SCPEP1: variants seen among roughly 807,000 people sequenced by gnomAD.
SCPEP1 encodes the protein serine carboxypeptidase 1, also known as retinoid-inducible serine carboxypeptidase.
A neutral mutation model predicts 63.8 loss-of-function variants in SCPEP1; 51 were observed. The ratio of observed to expected loss-of-function variants is 0.80; its 90% CI spans 0.64 to 1.01. The LOEUF (loss-of-function observed/expected upper bound fraction) is 1.01, where lower values mean the gene tolerates loss of function less well. Among genes scored for constraint, SCPEP1 ranks in the 50% least tolerant of loss-of-function variants. SCPEP1 has a pLI of 0.00. For missense variants in SCPEP1, 499 were observed against 554.9 expected (o/e 0.90, Z 1.01); for synonymous variants, 204 against 207.8 (o/e 0.98, Z 0.16).
rs371307853 is a variant in SCPEP1, at chr17:56,998,478, C to G, written c.974C>G (p.Pro325Arg). Reference protein sequence around the residue: ...GPIRKKLKIIPEDQSWGGQAT... With the variant: ...GPIRKKLKIIREDQSWGGQAT... ...ATCAGAAAGAAGCTCAAAATTATTCCTGAGGATCAATCCTGGGGAGGTACT... is the reference window on the plus strand; with the variant it reads ...ATCAGAAAGAAGCTCAAAATTATTCGTGAGGATCAATCCTGGGGAGGTACT... Residue 325 changes from proline to arginine, a missense_variant, in exon 10 of 13, where the codon CCT becomes CGT. Physicochemically the swap from Pro to Arg is moderately radical, Grantham distance 103. Coordinates refer to ENST00000262288, the MANE Select transcript of SCPEP1 (RefSeq NM_021626.3). 6.2e-7 allele frequency: 1 copy of G among 1,613,470 alleles called. No individual in the cohort carries two copies. The highest frequency in any genetic ancestry group is 1.3e-5 in the African/African-American group (1 of 74,852).
chr17:56,991,774 A>G (rs1265251987), intron 6 of SCPEP1, among the ~76,000 whole-genome samples: 1 of 152,234 alleles, frequency 6.6e-6, no homozygotes, highest in Non-Finnish European at 1.5e-5. Flanking sequence ...AGGGTTTCTC[A>G]GCACTGTTGA....
At chr17:56,986,691 G>T (rs1043565687) in intron 3 of SCPEP1, among the ~76,000 whole-genome samples, 27 of 152,038 alleles carry the variant, frequency 1.8e-4, no homozygotes, top group Admixed American at 8.5e-4. Flanking sequence ...GACTACAGGC[G>T]CCCGCCACTG....
intron 12 of SCPEP1, among the ~76,000 whole-genome samples, chr17:57,005,861 G>A (rs1427564312): frequency 2.0e-5 from 3 of 152,124 alleles, no homozygotes; most frequent in African/African-American, 7.2e-5. Flanking sequence ...AACAGGCTAG[G>A]TCTAGTATCA....
chr17:56,988,764 A>G lies in SCPEP1; in HGVS notation c.546+474A>G, dbSNP rs770048871. On this transcript the variant is annotated intron_variant, in intron 5 of 12. Transcript: ENST00000262288. ...GCCTTGTATAAAATATTAATTCTGGATGGATTAAAATCTAAACATAAAAAT... is the reference window on the plus strand; with the variant it reads ...GCCTTGTATAAAATATTAATTCTGGGTGGATTAAAATCTAAACATAAAAAT... Among the ~76,000 whole-genome samples, 129 of 152,172 alleles carry G rather than the reference A, an allele frequency of 8.5e-4. 1 individual carries two copies. The highest frequency in any genetic ancestry group is 1.7e-3 in the Non-Finnish European group (115 of 68,012).
intron 11 of SCPEP1, among the ~76,000 whole-genome samples, chr17:57,001,685 A>G (rs1416945863): frequency 6.6e-6 from 1 of 152,184 alleles, no homozygotes; most frequent in Admixed American, 6.5e-5. Flanking sequence ...CTCGTTCACG[A>G]CATCTCTCAG....
intron 8 of SCPEP1, 76 bp downstream of exon 8, chr17:56,995,711 C>T: frequency 2.7e-6 from 4 of 1,499,602 alleles, no homozygotes; most frequent in Non-Finnish European, 3.6e-6. Flanking sequence ...TTGGTGTTGT[C>T]AAACTTGGAG....
At chr17:56,984,180 A>C (rs1911148530) in intron 2 of SCPEP1, 2 of 152,354 alleles carry the variant, frequency 1.3e-5, no homozygotes, top group African/African-American at 4.8e-5. Context: ...GGCCTCCCAA[A>C]GTGCTGGGAT....
At position 56,997,060 on chromosome 17, in the gene SCPEP1, G is replaced by C. The variant is rs371124199; in HGVS notation, c.880+5G>C. 7 of 1,560,660 alleles carry C rather than the reference G, an allele frequency of 4.5e-6. No individual in the cohort carries two copies. Among genetic ancestry groups the C allele is most frequent in the Non-Finnish European group, 6.1e-6 (7 of 1,147,504 alleles). On this transcript the variant is annotated splice_donor_5th_base_variant and intron_variant, in intron 9 of 12. Coordinates refer to ENST00000262288, the MANE Select transcript of SCPEP1 (RefSeq NM_021626.3). ...AATTCACACAGAGCCACCTAGGTGA[G>C]TGAACCTTGAAGTTATTAAAGTCCC...
chr17:56,988,239 A>G lies in SCPEP1; in HGVS notation c.495A>G (p.Ser165=). The part of the protein sequence containing the change: ...EFQTVPFYIF[S]ESYGGKMAAG... Reference sequence around the variant, plus strand: ...AGACAGTTCCATTCTACATTTTCTCAGAGTCCTATGGAGGAAAAATGGCAG... The same window carrying G: ...AGACAGTTCCATTCTACATTTTCTCGGAGTCCTATGGAGGAAAAATGGCAG... Residue 165 remains serine, a synonymous_variant, in exon 5 of 13, where the codon TCA becomes TCG. Coordinates refer to ENST00000262288, the MANE Select transcript of SCPEP1 (RefSeq NM_021626.3). 6.2e-7 allele frequency: 1 copy of G among 1,611,800 alleles called. No individual in the cohort carries two copies. The highest frequency in any genetic ancestry group is 8.5e-7 in the Non-Finnish European group (1 of 1,178,334).
chr17:56,979,035 T>C (rs1250011372), intron 1 of SCPEP1, among the ~76,000 whole-genome samples: 2 of 152,246 alleles, frequency 1.3e-5, no homozygotes, highest in Non-Finnish European at 2.9e-5. Context: ...CGCAGCCTTA[T>C]CTGTTATTGT....
At chr17:56,985,499 G>C in intron 3 of SCPEP1, 32 bp downstream of exon 3, 1 of 1,555,232 alleles carries the variant, frequency 6.4e-7, no homozygotes, top group Non-Finnish European at 8.9e-7. Flanking sequence ...GCTAAACCTT[G>C]CCCCGTGGCC....
Position 56,981,065 on chromosome 17 carries a change from T to A in SCPEP1, c.77-17T>A. 1 of 1,614,050 alleles carries A rather than the reference T, an allele frequency of 6.2e-7. No homozygotes were observed. The highest frequency in any genetic ancestry group is 8.5e-7 in the Non-Finnish European group (1 of 1,179,958). ...TTAGGCACTCTTCTGGAGAGTGAAA[T>A]TGAACTTCTGTTTCAGGAGCTGTCA... On this transcript the variant is annotated splice_polypyrimidine_tract_variant and intron_variant, in intron 1 of 12. Coordinates refer to ENST00000262288, the MANE Select transcript of SCPEP1 (RefSeq NM_021626.3).
chr17:56,985,461 C>G lies in SCPEP1; in HGVS notation c.309C>G (p.Thr103=), dbSNP rs2287001. Residue 103 remains threonine, a synonymous_variant, in exon 3 of 13, where the codon ACC becomes ACG. Coordinates refer to ENST00000262288, the MANE Select transcript of SCPEP1 (RefSeq NM_021626.3). ...ACAGTGATCTCAAACCACGGAAAAC[C>G]ACCTGGGTACAGTGAGGACAGTCCT... ...PLDSDLKPRK[T]TWLQAASLLF... The G allele has an allele frequency of 1.9e-6, 3 of 1,612,920 alleles. No homozygotes were observed. The African/African-American group carries it at 4.0e-5, about 22-fold the overall frequency.
chr17:56,992,597 G>T (rs1911432843), intron 6 of SCPEP1, among the ~76,000 whole-genome samples: 1 of 152,092 alleles, frequency 6.6e-6, no homozygotes, highest in Non-Finnish European at 1.5e-5. Flanking sequence ...TCCTCATGGG[G>T]TCTCCTCAGT....
At chr17:56,989,365 G>C (rs1047057839) in intron 5 of SCPEP1, among the ~76,000 whole-genome samples, 1 of 152,152 alleles carries the variant, frequency 6.6e-6, no homozygotes, top group African/African-American at 2.4e-5. Flanking sequence ...CCCAGTTTTG[G>C]TAAGAAGTCA....
At chr17:56,985,860 C>T (rs1234031711) in intron 3 of SCPEP1, among the ~76,000 whole-genome samples, 1 of 152,016 alleles carries the variant, frequency 6.6e-6, no homozygotes, top group East Asian at 1.9e-4. Flanking sequence ...ATCTTGACTT[C>T]CCCTTTCAAT....
At chr17:56,997,629 G>A (rs1032423339) in intron 9 of SCPEP1, among the ~76,000 whole-genome samples, 5 of 152,144 alleles carry the variant, frequency 3.3e-5, no homozygotes, top group African/African-American at 4.8e-5. Context: ...TATTAGGTTG[G>A]TGCAAAAGTA....
rs141245776 is a variant in SCPEP1 at position 56,991,168 on chromosome 17, G to C, written c.616G>C (p.Val206Leu). 12 of 1,613,118 alleles carry C rather than the reference G, an allele frequency of 7.4e-6. No individual in the cohort carries two copies. In the African/African-American group the frequency reaches 1.3e-4, roughly 18 times the overall value. ...CTTGGGTGATTCCTGGATCTCCCCTGTTGGTAAGTGTGGCATTTTCAGGCA... is the reference window on the plus strand; with the variant it reads ...CTTGGGTGATTCCTGGATCTCCCCTCTTGGTAAGTGTGGCATTTTCAGGCA... The part of the protein sequence containing the change: ...VALGDSWISP[V>L]DSVLSWGPYL... The change falls in exon 6 of 13, where the codon GTT becomes CTT. Residue 206 changes from valine (V) to leucine (L), a missense_variant. Val to Leu is a conservative substitution (Grantham distance 32). Transcript: ENST00000262288.
chr17:56,982,050 A>G (rs561120222), intron 2 of SCPEP1, among the ~76,000 whole-genome samples: 5 of 152,200 alleles, frequency 3.3e-5, no homozygotes, highest in Non-Finnish European at 5.9e-5. Flanking sequence ...CTCTGATTGT[A>G]GGATGGAAGG....
Sources: gnomAD v4.1 joint callset for allele counts (sites outside exome capture counted in the v4.1 genomes callset) on GRCh38, gnomAD v4.1.1 for gene constraint, MANE v1.5 for transcripts, NCBI Gene and HGNC (gene_info 2026-07-23, HGNC 2026-07-21) for gene names.